The following EYS variants were observed in gnomAD, a reference collection of about 807,000 sequenced individuals.
EYS encodes the protein EGF-like photoreceptor maintenance factor.
Under a neutral mutation model 282.1 loss-of-function variants are expected in EYS, and 250 were observed. The observed-to-expected ratio is 0.89, with a 90% CI of 0.80 to 0.98. The LOEUF (loss-of-function observed/expected upper bound fraction) is 0.98, where lower values mean the gene tolerates loss of function less well. Among genes scored for constraint, EYS ranks in the 50% least tolerant of loss-of-function variants. EYS has a pLI of 0.00. For synonymous variants in EYS, 1,355 were observed against 1,282.9 expected (o/e 1.06, Z -1.20); for missense variants, 4,016 against 3,709.0 (o/e 1.08, Z -2.15).
intron 2 of EYS, among the ~76,000 whole-genome samples, chr6:65,499,352 A>C (rs1766367206): frequency 6.6e-6 from 1 of 152,058 alleles, no homozygotes; most frequent in Admixed American, 6.6e-5. Flanking sequence ...GCATTCAATT[A>C]AAGATAGTTG....
intron 8 of EYS, among the ~76,000 whole-genome samples, chr6:65,359,390 C>A (rs988776): frequency 0.67 from 102,304 of 151,756 alleles, 34,578 homozygotes; most frequent in South Asian, 0.71. Flanking sequence ...TAAGGCTTTT[C>A]TATTTTATAA....
chr6:64,403,643 T>C (rs2150437874), intron 28 of EYS, among the ~76,000 whole-genome samples: 1 of 152,242 alleles, frequency 6.6e-6, no homozygotes, highest in East Asian at 1.9e-4. Flanking sequence ...AGGCGTGAGC[T>C]ACTGTGCCCA....
intron 22 of EYS, among the ~76,000 whole-genome samples, chr6:64,706,966 A>G (rs976994976): frequency 2.0e-5 from 3 of 152,168 alleles, no homozygotes; most frequent in Non-Finnish European, 4.4e-5. Context: ...ACTGCTGGGT[A>G]TTTATCTGGA....
chr6:64,988,436 T>C (rs1415881911), intron 14 of EYS, among the ~76,000 whole-genome samples: 1 of 151,588 alleles, frequency 6.6e-6, no homozygotes, highest in African/African-American at 2.4e-5. Context: ...GGCATGAGTA[T>C]AGACTCTGTG....
intron 31 of EYS, among the ~76,000 whole-genome samples, chr6:64,198,468 C>T (rs1765365377): frequency 1.3e-5 from 2 of 152,014 alleles, no homozygotes; most frequent in African/African-American, 4.8e-5. Flanking sequence ...TAATGCTAGC[C>T]CTCCCCTGGC....
chr6:64,672,112 C>T (rs530449669), intron 22 of EYS, among the ~76,000 whole-genome samples: 34 of 152,104 alleles, frequency 2.2e-4, no homozygotes, highest in Admixed American at 2.6e-4. Context: ...CTGTGTCTTC[C>T]AGAGGCTTTT....
Position 65,285,848 on chromosome 6 carries a change from A to G in EYS, c.2023+10015T>C, listed in dbSNP as rs538777305. Among the ~76,000 whole-genome samples the G allele has an allele frequency of 2.6e-5, 4 of 152,032 alleles. No individual in the cohort carries two copies. The South Asian group carries it at 8.3e-4, about 32-fold the overall frequency. On this transcript the variant is annotated intron_variant, in intron 12 of 42. Transcript: ENST00000503581. ...TATATCATTTAACTTATAATGGTATAAAAAATCAGGAGAAAAAGTTCCCCA... is the reference window on the plus strand; with the variant it reads ...TATATCATTTAACTTATAATGGTATGAAAAATCAGGAGAAAAAGTTCCCCA...
intron 35 of EYS, among the ~76,000 whole-genome samples, chr6:63,930,413 T>C (rs879201003): frequency 6.6e-6 from 1 of 152,110 alleles, no homozygotes. Flanking sequence ...TAAGTGTTTA[T>C]AGCATCATTA....
chr6:64,200,936 G>T (rs1422510578), intron 31 of EYS, among the ~76,000 whole-genome samples: 2 of 151,920 alleles, frequency 1.3e-5, no homozygotes, highest in Non-Finnish European at 2.9e-5. Flanking sequence ...TCCACTAATT[G>T]TATTTTTATA....
intron 32 of EYS, among the ~76,000 whole-genome samples, chr6:64,071,959 A>C (rs534993374): frequency 1.3e-5 from 2 of 151,938 alleles, no homozygotes; most frequent in African/African-American, 4.8e-5. Flanking sequence ...GGAAGAATTC[A>C]AAACATGGTT....
chr6:65,659,770 T>C (rs1767942687), intron 1 of EYS, among the ~76,000 whole-genome samples: 1 of 151,848 alleles, frequency 6.6e-6, no homozygotes, highest in Non-Finnish European at 1.5e-5. Context: ...GAACTTACTA[T>C]TTTATTTATT....
intron 30 of EYS, among the ~76,000 whole-genome samples, chr6:64,288,691 T>C (rs1768588173): frequency 6.6e-6 from 1 of 152,090 alleles, no homozygotes; most frequent in Non-Finnish European, 1.5e-5. Flanking sequence ...TTAAATAAAG[T>C]AAGTAGTAGC....
intron 29 of EYS, among the ~76,000 whole-genome samples, chr6:64,327,478 G>A (rs73763417): frequency 0.038 from 5,808 of 152,246 alleles, 359 homozygotes; most frequent in African/African-American, 0.13. Context: ...ATCTTTTAAT[G>A]TAGGGTAGCT....
At chr6:65,166,661 C>CA in intron 12 of EYS, among the ~76,000 whole-genome samples, 1 of 151,070 alleles carries the variant, frequency 6.6e-6, no homozygotes, top group Admixed American at 6.6e-5. Flanking sequence ...TTGGATTAAG[C>CA]AATAGTTTTT....
At chr6:64,839,687 G>C (rs1357813565) in intron 19 of EYS, among the ~76,000 whole-genome samples, 2 of 151,972 alleles carry the variant, frequency 1.3e-5, no homozygotes, top group Non-Finnish European at 2.9e-5. Context: ...AGGCTATAAA[G>C]CCCAAGATCA....
chr6:64,093,596 A>G (rs1358536533), intron 31 of EYS, among the ~76,000 whole-genome samples: 1 of 152,190 alleles, frequency 6.6e-6, no homozygotes. Flanking sequence ...ATTTTTGCAC[A>G]TTGATTTAGT....
chr6:64,233,468 TAC>T (rs1480841242), intron 30 of EYS, among the ~76,000 whole-genome samples: 3 of 152,198 alleles, frequency 2.0e-5, no homozygotes, highest in African/African-American at 7.2e-5. Flanking sequence ...TATTTTTACA[TAC>T]AGTTTAAAAA....
chr6:64,023,357 C>A (rs2149821319), intron 33 of EYS, among the ~76,000 whole-genome samples: 1 of 152,310 alleles, frequency 6.6e-6, no homozygotes, highest in East Asian at 1.9e-4. Flanking sequence ...TTTGCATATG[C>A]ATCTGGGGTG....
At chr6:64,754,838 T>C (rs1025294446) in intron 22 of EYS, among the ~76,000 whole-genome samples, 4 of 152,144 alleles carry the variant, frequency 2.6e-5, no homozygotes, top group African/African-American at 4.8e-5. Context: ...AACATCATAC[T>C]GAATGGAGAA....
Sources: gnomAD v4.1 joint callset for allele counts (sites outside exome capture counted in the v4.1 genomes callset) on GRCh38, gnomAD v4.1.1 for gene constraint, MANE v1.5 for transcripts, NCBI Gene and HGNC (gene_info 2026-07-23, HGNC 2026-07-21) for gene names.